Variants in SENP2 observed in about 807,000 individuals in gnomAD.
The protein encoded by SENP2 is sentrin-specific protease 2.
Under a neutral mutation model 86.3 loss-of-function variants are expected in SENP2, and 16 were observed. The ratio of observed to expected loss-of-function variants is 0.19; its 90% confidence interval spans 0.13 to 0.28. The LOEUF (loss-of-function observed/expected upper bound fraction) is 0.28. SENP2 is among the 10% of genes least tolerant of loss of function. The pLI is 1.00. For missense variants in SENP2, 552 were observed against 703.0 expected, an observed-to-expected ratio of 0.79 and a Z score of 2.43; for synonymous variants, 222 against 238.7, an observed-to-expected ratio of 0.93 and a Z score of 0.64.
At chr3:185,596,079 C>T (rs1722163847) in intron 2 of SENP2, among the ~76,000 whole-genome samples, 1 of 152,100 alleles carries the variant, frequency 6.6e-6, no homozygotes, top group Non-Finnish European at 1.5e-5. Flanking sequence ...GATTCTGCTG[C>T]CTCAGCCTCC....
intron 1 of SENP2, among the ~76,000 whole-genome samples, chr3:185,587,339 G>C (rs920215069): frequency 1.6e-4 from 25 of 151,872 alleles, no homozygotes; most frequent in Non-Finnish European, 2.8e-4. Context: ...CACTATATTG[G>C]CTAGGCTGGC....
chr3:185,632,231 T>TG lies in SENP2; in HGVS notation c.*2387_*2388insG, dbSNP rs796952805. 2 of 110,598 alleles carry TG rather than the reference T, an allele frequency of 1.8e-5. No homozygotes were observed. Among genetic ancestry groups the TG allele is most frequent in the African/African-American group, 3.4e-5 (1 of 29,074 alleles). 6.9% of individuals were successfully genotyped at this position (110,598 alleles called of 1,614,324 possible). ...GCCAGTGGTTTTTTTTTTGTTTTTT[T>TG]TTTTTGTTTTTTTTTTTTTTTTTTG... On this transcript the variant is annotated 3_prime_UTR_variant, in exon 17 of 17. Coordinates refer to ENST00000296257, the MANE Select transcript of SENP2 (RefSeq NM_021627.3).
chr3:185,613,489 G>GTA (rs915884733), intron 10 of SENP2, 81 bp downstream of exon 10: 40 of 830,710 alleles, frequency 4.8e-5, no homozygotes, highest in Non-Finnish European at 7.1e-5. Flanking sequence ...GCAAGAAAAA[G>GTA]TATATATATA....
intron 15 of SENP2, 54 bp downstream of exon 15, chr3:185,624,136 A>G (rs1712027411): frequency 7.9e-7 from 1 of 1,271,712 alleles, no homozygotes; most frequent in South Asian, 1.3e-5. Flanking sequence ...CTAATAGTAT[A>G]TTATCTAGAT....
chr3:185,595,347 G>C (rs926367634), intron 2 of SENP2, among the ~76,000 whole-genome samples: 2 of 152,236 alleles, frequency 1.3e-5, no homozygotes, highest in Non-Finnish European at 2.9e-5. Flanking sequence ...AAGTGCAGCA[G>C]AGTGTGTACT....
At chr3:185,597,271 A>G (rs999684356) in intron 2 of SENP2, among the ~76,000 whole-genome samples, 2 of 152,152 alleles carry the variant, frequency 1.3e-5, no homozygotes, top group Admixed American at 6.6e-5. Context: ...TTATGTTTTT[A>G]TATTCAGATG....
chr3:185,607,504 A>G (rs1227155366), intron 6 of SENP2, among the ~76,000 whole-genome samples: 1 of 150,234 alleles, frequency 6.7e-6, no homozygotes, highest in African/African-American at 2.5e-5. Context: ...AATTTTTTGT[A>G]TTTTTAGTAG....
chr3:185,613,319 T>C (rs1722754781), intron 9 of SENP2, 26 bp from the exon 10 acceptor site: 1 of 1,347,134 alleles, frequency 7.4e-7, no homozygotes. Context: ...AGCAGAAGTC[T>C]ATCATCTCTC....
At chr3:185,608,693 G>A (rs763872201) in intron 6 of SENP2, among the ~76,000 whole-genome samples, 1 of 152,162 alleles carries the variant, frequency 6.6e-6, no homozygotes, top group Non-Finnish European at 1.5e-5. Context: ...TCAGTATGAT[G>A]TAGGCAGAAG....
At chr3:185,602,999 G>C (rs1469910637) in intron 5 of SENP2, among the ~76,000 whole-genome samples, 7 of 140,088 alleles carry the variant, frequency 5.0e-5, no homozygotes, top group Admixed American at 2.3e-4. Context: ...TGCAACCTCT[G>C]CCTCCTGGGT....
intron 5 of SENP2, 135 bp downstream of exon 5, chr3:185,600,990 C>T: frequency 1.7e-6 from 1 of 602,816 alleles, no homozygotes. Context: ...GAATGTCATG[C>T]AGCCAGTGAG....
intron 16 of SENP2, among the ~76,000 whole-genome samples, chr3:185,629,055 C>G (rs1159058391): frequency 2.0e-5 from 3 of 152,108 alleles, no homozygotes; most frequent in Non-Finnish European, 2.9e-5. Context: ...CAATGTACAA[C>G]GCCTGGTAGA....
At chr3:185,626,920 A>G (rs1712172012) in intron 16 of SENP2, among the ~76,000 whole-genome samples, 1 of 151,406 alleles carries the variant, frequency 6.6e-6, no homozygotes, top group African/African-American at 2.4e-5. Flanking sequence ...TACTAAAAAT[A>G]CAAAAAATTA....
At chr3:185,592,179 C>T (rs1481259589) in intron 2 of SENP2, among the ~76,000 whole-genome samples, 1 of 151,396 alleles carries the variant, frequency 6.6e-6, no homozygotes, top group Non-Finnish European at 1.5e-5. Flanking sequence ...CCTGGGCTCA[C>T]ACAATCCTCC....
At chr3:185,596,675 G>A (rs1473439134) in intron 2 of SENP2, among the ~76,000 whole-genome samples, 1 of 151,716 alleles carries the variant, frequency 6.6e-6, no homozygotes, top group East Asian at 1.9e-4. Flanking sequence ...GCTATAATAC[G>A]GGCTTAGTAA....
At chr3:185,615,154 G>A (rs1711551896) in intron 11 of SENP2, among the ~76,000 whole-genome samples, 1 of 151,874 alleles carries the variant, frequency 6.6e-6, no homozygotes. Flanking sequence ...AAAACTTACA[G>A]AACATAAAGA....
At chr3:185,606,263 G>C in intron 5 of SENP2, 67 bp from the exon 6 acceptor site, 1 of 1,433,444 alleles carries the variant, frequency 7.0e-7, no homozygotes. Context: ...GGATGGTCTG[G>C]GAGCTTAGAT....
rs773828802 is a variant in SENP2 at position 185,617,556 on chromosome 3, G to A, written c.1187G>A (p.Arg396Gln). The A allele has an allele frequency of 2.5e-6, 4 of 1,613,750 alleles. No individual in the cohort carries two copies. Among genetic ancestry groups the A allele is most frequent in the South Asian group, 1.1e-5 (1 of 91,062 alleles). The change falls in exon 12 of 17, where the codon CGA (arginine) becomes CAA (glutamine). Residue 396 changes from arginine to glutamine, a missense_variant. Arg to Gln is a conservative substitution (Grantham distance 43). Around this residue, in one of 2 missense-constraint regions of SENP2, gnomAD observed 169 missense variants for 275.7 expected, o/e 0.61. Transcript: ENST00000296257. ...DEILSSAFKL[R>Q]ITRGDIQTLK... ...ATCCTAAGTAGTGCTTTCAAATTGC[G>A]AATTACTCGAGGAGATATTCAGACA...
rs1441941636 is a variant in SENP2 at position 185,632,146 on chromosome 3, T to G, written c.*2302T>G. 6.6e-6 allele frequency: 1 copy of G among 151,952 alleles called. No homozygotes were observed. Among genetic ancestry groups the G allele is most frequent in the Non-Finnish European group, 1.5e-5 (1 of 67,988 alleles). 9.4% of individuals were successfully genotyped at this position (151,952 alleles called of 1,614,324 possible). ...AAACAGTTTATTTGGATCTAAAAGTTTAAGTGTTCAGTTGAAAAACAGCTA... is the reference window on the plus strand; with the variant it reads ...AAACAGTTTATTTGGATCTAAAAGTGTAAGTGTTCAGTTGAAAAACAGCTA... On this transcript the variant is annotated 3_prime_UTR_variant, in exon 17 of 17. Transcript: ENST00000296257.
Sources: allele counts gnomAD v4.1 joint callset (sites outside exome capture counted in the v4.1 genomes callset), GRCh38; gene constraint gnomAD v4.1.1; regional missense constraint gnomAD v4.1.1; transcripts MANE v1.5; gene names NCBI Gene and HGNC (gene_info 2026-07-23, HGNC 2026-07-21).